PTPRD: variants seen among roughly 807,000 people sequenced by gnomAD.
PTPRD encodes the protein protein tyrosine phosphatase receptor type D.
Under a neutral mutation model 214.5 loss-of-function variants are expected in PTPRD, and 34 were observed. That is an observed-to-expected ratio of 0.16 (90% CI 0.12 to 0.21). PTPRD has a LOEUF of 0.21. PTPRD is among the 10% of genes least tolerant of loss of function. The pLI, the probability that PTPRD is intolerant of heterozygous loss-of-function variation, is 1.00. For synonymous variants in PTPRD, 1,128 were observed against 845.7 expected, an observed-to-expected ratio of 1.33 and a Z score of -5.79; for missense variants, 2,545 against 2,398.7, an observed-to-expected ratio of 1.06 and a Z score of -1.27.
intron 11 of PTPRD, among the ~76,000 whole-genome samples, chr9:8,996,790 T>C (rs756955833): frequency 6.6e-6 from 1 of 152,052 alleles, no homozygotes. Context: ...CCCAAGGCCC[T>C]ACCTCTTAAT....
intron 11 of PTPRD, among the ~76,000 whole-genome samples, chr9:8,805,954 C>T (rs1312260477): frequency 7.1e-6 from 1 of 140,858 alleles, no homozygotes; most frequent in African/African-American, 2.7e-5. Flanking sequence ...GAGATTATGC[C>T]ACTGCACTCC....
intron 9 of PTPRD, among the ~76,000 whole-genome samples, chr9:9,315,303 T>A (rs561333278): frequency 6.6e-6 from 1 of 152,006 alleles, no homozygotes; most frequent in South Asian, 2.1e-4. Context: ...TTACAACTTA[T>A]TGAATGCTAC....
chr9:10,323,758 T>C (rs979663337), intron 3 of PTPRD, among the ~76,000 whole-genome samples: 1 of 152,034 alleles, frequency 6.6e-6, no homozygotes, highest in Non-Finnish European at 1.5e-5. Context: ...TACTTTCCTG[T>C]CTGGAGATTT....
At chr9:8,909,123 T>C (rs2098728934) in intron 11 of PTPRD, among the ~76,000 whole-genome samples, 2 of 151,762 alleles carry the variant, frequency 1.3e-5, no homozygotes, top group South Asian at 2.1e-4. Flanking sequence ...GAAAATAAAT[T>C]CAGCTGGGAA....
intron 9 of PTPRD, among the ~76,000 whole-genome samples, chr9:9,191,493 G>C (rs35977476): frequency 0.06 from 9,182 of 152,182 alleles, 319 homozygotes; most frequent in Middle Eastern, 0.082. Context: ...GCTAAGAAAA[G>C]TCTGATTTAA....
chr9:9,383,230 C>T (rs1298103991), intron 9 of PTPRD, among the ~76,000 whole-genome samples: 1 of 151,970 alleles, frequency 6.6e-6, no homozygotes, highest in African/African-American at 2.4e-5. Context: ...AGACTATATA[C>T]TCCCTAAAGA....
chr9:9,365,000 C>T (rs145962312), intron 9 of PTPRD, among the ~76,000 whole-genome samples: 1 of 151,586 alleles, frequency 6.6e-6, no homozygotes, highest in East Asian at 2.0e-4. Flanking sequence ...TCACAGGATT[C>T]TCTGATGAAC....
chr9:9,336,024 A>C (rs893569584), intron 9 of PTPRD, among the ~76,000 whole-genome samples: 1 of 152,104 alleles, frequency 6.6e-6, no homozygotes, highest in African/African-American at 2.4e-5. Flanking sequence ...AAAATGCACA[A>C]ACTCAAAAAA....
intron 34 of PTPRD, among the ~76,000 whole-genome samples, chr9:8,441,892 G>A (rs117326676): frequency 6.6e-6 from 1 of 152,206 alleles, no homozygotes; most frequent in East Asian, 1.9e-4. Context: ...TTCACATGAC[G>A]CCATGCTGTC....
At chr9:10,145,518 T>C (rs1345057418) in intron 3 of PTPRD, among the ~76,000 whole-genome samples, 3 of 152,256 alleles carry the variant, frequency 2.0e-5, no homozygotes, top group Non-Finnish European at 2.9e-5. Flanking sequence ...CCTTACTTTA[T>C]TGGAAGAATA....
In PTPRD at chr9:8,695,049, A is replaced by G. The variant is rs185340054; in HGVS notation, c.64+38731T>C. Among the ~76,000 whole-genome samples the G allele has an allele frequency of 6.1e-4, 93 of 152,282 alleles. 1 individual carries two copies. The highest frequency in any genetic ancestry group is 2.2e-3 in the African/African-American group (90 of 41,556). On this transcript the variant is annotated intron_variant, in intron 12 of 45. Coordinates refer to ENST00000381196, the MANE Select transcript of PTPRD (RefSeq NM_002839.4). The stretch of plus-strand genomic sequence containing the variant: ...TATTCAGCTACTCAATAGCAGCTCA[A>G]TCGCTCAGTCTTTTCCCATCCGTCT...
intron 11 of PTPRD, among the ~76,000 whole-genome samples, chr9:8,874,704 A>G (rs1255571298): frequency 1.3e-5 from 2 of 152,210 alleles, no homozygotes; most frequent in Admixed American, 6.5e-5. Context: ...TCATGGAATG[A>G]GCTGTTAAAA....
intron 9 of PTPRD, among the ~76,000 whole-genome samples, chr9:9,375,538 G>C (rs943985581): frequency 6.6e-6 from 1 of 152,156 alleles, no homozygotes; most frequent in Non-Finnish European, 1.5e-5. Context: ...GGAGGCTGCA[G>C]TGAGCCAAGA....
intron 3 of PTPRD, among the ~76,000 whole-genome samples, chr9:10,112,756 C>A (rs2098701838): frequency 6.6e-6 from 1 of 152,178 alleles, no homozygotes; most frequent in African/African-American, 2.4e-5. Flanking sequence ...AATTCATTTG[C>A]TAGGAAGAAC....
At chr9:9,306,055 A>G (rs575241928) in intron 9 of PTPRD, among the ~76,000 whole-genome samples, 1 of 152,306 alleles carries the variant, frequency 6.6e-6, no homozygotes, top group South Asian at 2.1e-4. Flanking sequence ...ACACCAGTAC[A>G]GAGTACAATA....
At chr9:8,634,792 TTAA>T (rs2096375740) in intron 13 of PTPRD, among the ~76,000 whole-genome samples, 1 of 151,922 alleles carries the variant, frequency 6.6e-6, no homozygotes, top group South Asian at 2.1e-4. Context: ...GACTAATTTA[TTAA>T]TAAATGTCAT....
chr9:9,998,129 A>AAAAAATAT (rs57991748), intron 4 of PTPRD, among the ~76,000 whole-genome samples: 1 of 91,486 alleles, frequency 1.1e-5, no homozygotes, highest in African/African-American at 5.9e-5. Context: ...AAAAAAAAAA[A>AAAAAATAT]ATATATATAT....
intron 14 of PTPRD, among the ~76,000 whole-genome samples, chr9:8,538,984 C>T (rs1470076219): frequency 1.3e-5 from 2 of 151,800 alleles, no homozygotes; most frequent in Non-Finnish European, 2.9e-5. Context: ...GCAAAGAAGA[C>T]ACAACTTATC....
intron 2 of PTPRD, among the ~76,000 whole-genome samples, chr9:10,441,470 G>C (rs73408112): frequency 0.09 from 13,574 of 151,522 alleles, 1,031 homozygotes; most frequent in African/African-American, 0.2. Context: ...CTTTGACACC[G>C]AATATATTTA....
Sources: allele counts gnomAD v4.1 joint callset (sites outside exome capture counted in the v4.1 genomes callset), GRCh38; gene constraint gnomAD v4.1.1; transcripts MANE v1.5; gene names NCBI Gene and HGNC (gene_info 2026-07-23, HGNC 2026-07-21).